Variants in NAALADL2 observed in about 807,000 individuals in gnomAD.
NAALADL2 encodes the protein inactive N-acetylated-alpha-linked acidic dipeptidase-like protein 2.
Under a neutral mutation model 87.2 loss-of-function variants are expected in NAALADL2, and 76 were observed. The observed-to-expected ratio is 0.87, with a 90% CI of 0.72 to 1.05. The LOEUF (loss-of-function observed/expected upper bound fraction) is 1.05, where lower values mean the gene tolerates loss of function less well. NAALADL2 is among the 50% of genes least tolerant of loss of function. The pLI is 0.00. For missense variants in NAALADL2, 1,089 were observed against 945.8 expected (o/e 1.15, Z -1.99); for synonymous variants, 354 against 331.0 (o/e 1.07, Z -0.75).
chr3:174,605,334 G>A (rs544788118), intron 2 of NAALADL2, among the ~76,000 whole-genome samples: 68 of 152,214 alleles, frequency 4.5e-4, no homozygotes, highest in African/African-American at 1.4e-3. Flanking sequence ...TGGGTGCAGC[G>A]CACCGTGCGC....
intron 2 of NAALADL2, among the ~76,000 whole-genome samples, chr3:175,117,581 A>C (rs1463752999): frequency 3.3e-5 from 5 of 150,706 alleles, no homozygotes; most frequent in Admixed American, 3.3e-4. Flanking sequence ...ATCTCACACC[A>C]GTTAGAATGG....
chr3:174,556,857 C>T (rs1369231282), intron 2 of NAALADL2, among the ~76,000 whole-genome samples: 2 of 152,150 alleles, frequency 1.3e-5, no homozygotes, highest in African/African-American at 4.8e-5. Flanking sequence ...CCTCCCACCT[C>T]AGCCTTCTGT....
In NAALADL2 at chr3:175,186,835, T is replaced by C. The variant is rs73881436; in HGVS notation, c.546-47096T>C. Among the ~76,000 whole-genome samples, 1,077 of 152,216 alleles carry C rather than the reference T, an allele frequency of 7.1e-3. 8 individuals are homozygous for C. The highest frequency in any genetic ancestry group is 0.024 in the African/African-American group (1,013 of 41,552). On this transcript the variant is annotated intron_variant, in intron 2 of 13. Coordinates refer to ENST00000454872, the MANE Select transcript of NAALADL2 (RefSeq NM_207015.3). ...ACATTACAGATTCTGTTCAAACTAA[T>C]TAACATCTCAAATTTGCCTTTCTCG... is the stretch of plus-strand genomic sequence containing the variant.
At chr3:175,207,539 A>G (rs1741124899) in intron 2 of NAALADL2, among the ~76,000 whole-genome samples, 1 of 152,080 alleles carries the variant, frequency 6.6e-6, no homozygotes, top group African/African-American at 2.4e-5. Flanking sequence ...TATTTTGGTC[A>G]GCAGTTCAGG....
At chr3:175,678,694 G>T (rs1735167625) in intron 11 of NAALADL2, among the ~76,000 whole-genome samples, 1 of 152,130 alleles carries the variant, frequency 6.6e-6, no homozygotes. Context: ...TGGACACAGG[G>T]TGGGGAACAT....
rs150793700 is a variant in NAALADL2, at chr3:175,026,793, C to T, written c.44-69997C>T. On this transcript the variant is annotated intron_variant, in intron 1 of 13. Coordinates refer to ENST00000454872, the MANE Select transcript of NAALADL2 (RefSeq NM_207015.3). ...AACTACAATGCCTTCAGATCCAAGGCAGCCCACATAAGGAACATGGCATTA... is the reference window on the plus strand; with the variant it reads ...AACTACAATGCCTTCAGATCCAAGGTAGCCCACATAAGGAACATGGCATTA... Among the ~76,000 whole-genome samples, 56 of 152,216 alleles carry T rather than the reference C, an allele frequency of 3.7e-4. 1 individual carries two copies. The highest frequency in any genetic ancestry group is 2.0e-3 in the Admixed American group (31 of 15,270).
At chr3:175,590,481 C>T (rs1721271377) in intron 10 of NAALADL2, among the ~76,000 whole-genome samples, 1 of 151,768 alleles carries the variant, frequency 6.6e-6, no homozygotes, top group Non-Finnish European at 1.5e-5. Context: ...GGACTTATCA[C>T]AAGACATTAT....
At chr3:175,461,276 A>C (rs528306051) in intron 6 of NAALADL2, among the ~76,000 whole-genome samples, 39 of 150,480 alleles carry the variant, frequency 2.6e-4, no homozygotes, top group Non-Finnish European at 3.4e-4. Context: ...AATTCTTTAG[A>C]TAGACACAGA....
At chr3:175,084,199 A>AC (rs758473635) in intron 1 of NAALADL2, among the ~76,000 whole-genome samples, 1 of 152,070 alleles carries the variant, frequency 6.6e-6, no homozygotes, top group Non-Finnish European at 1.5e-5. Flanking sequence ...GTAAAAAGCT[A>AC]CCCCCCAAAT....
intron 2 of NAALADL2, among the ~76,000 whole-genome samples, chr3:174,599,399 C>A (rs1718229905): frequency 6.6e-6 from 1 of 152,086 alleles, no homozygotes; most frequent in Non-Finnish European, 1.5e-5. Flanking sequence ...ATTGATGGTT[C>A]TTCCCTAACA....
At chr3:175,733,965 C>A (rs2150072514) in intron 11 of NAALADL2, among the ~76,000 whole-genome samples, 1 of 152,306 alleles carries the variant, frequency 6.6e-6, no homozygotes, top group South Asian at 2.1e-4. Context: ...GGCAGCTCTG[C>A]CCATGTGGCT....
chr3:175,764,656 A>C (rs987102473), intron 13 of NAALADL2, among the ~76,000 whole-genome samples: 1 of 152,122 alleles, frequency 6.6e-6, no homozygotes, highest in Non-Finnish European at 1.5e-5. Context: ...CTTTTCAAAC[A>C]CATAAGCTCC....
chr3:175,694,096 G>A (rs1351934641), intron 11 of NAALADL2, among the ~76,000 whole-genome samples: 1 of 152,086 alleles, frequency 6.6e-6, no homozygotes, highest in African/African-American at 2.4e-5. Context: ...GTATAGTAAT[G>A]TTTTGGTACT....
At chr3:175,065,584 T>A (rs1257402203) in intron 1 of NAALADL2, among the ~76,000 whole-genome samples, 1 of 152,200 alleles carries the variant, frequency 6.6e-6, no homozygotes, top group Non-Finnish European at 1.5e-5. Context: ...AGCAAGCCTG[T>A]GTAATTCAAG....
At chr3:175,632,418 A>T (rs2149731206) in intron 11 of NAALADL2, among the ~76,000 whole-genome samples, 1 of 151,908 alleles carries the variant, frequency 6.6e-6, no homozygotes, top group South Asian at 2.1e-4. Flanking sequence ...TGGAACTGTC[A>T]CCAGAGAGGT....
At chr3:175,000,209 G>A (rs186165420) in intron 1 of NAALADL2, among the ~76,000 whole-genome samples, 1 of 152,160 alleles carries the variant, frequency 6.6e-6, no homozygotes, top group East Asian at 1.9e-4. Flanking sequence ...TTGTCCTTGA[G>A]GAACATTCAG....
intron 4 of NAALADL2, among the ~76,000 whole-genome samples, chr3:175,300,736 C>T (rs1256485033): frequency 7.1e-6 from 1 of 140,230 alleles, no homozygotes; most frequent in East Asian, 2.0e-4. Context: ...AAAACCATCT[C>T]CTGGATTTAT....
chr3:175,349,148 G>T (rs75963940), intron 5 of NAALADL2, among the ~76,000 whole-genome samples: 128 of 148,862 alleles, frequency 8.6e-4, no homozygotes, highest in Non-Finnish European at 1.4e-3. Flanking sequence ...AAGAATGAAA[G>T]AGAGAGAGAG....
chr3:175,600,216 T>C (rs1023968625), intron 10 of NAALADL2, among the ~76,000 whole-genome samples: 1 of 151,904 alleles, frequency 6.6e-6, no homozygotes, highest in African/African-American at 2.4e-5. Flanking sequence ...TATATTCCTC[T>C]TTCTATATAA....
Sources: allele counts gnomAD v4.1 joint callset (sites outside exome capture counted in the v4.1 genomes callset), GRCh38; gene constraint gnomAD v4.1.1; transcripts MANE v1.5; gene names NCBI Gene and HGNC (gene_info 2026-07-23, HGNC 2026-07-21).